EVC2: variants seen among roughly 807,000 people sequenced by gnomAD.
The protein encoded by EVC2 is EvC ciliary complex subunit 2.
A neutral mutation model predicts 149.3 loss-of-function variants in EVC2; 148 were observed. The ratio of observed to expected loss-of-function variants is 0.99; its 90% CI spans 0.87 to 1.14. The LOEUF (loss-of-function observed/expected upper bound fraction) is 1.14, where lower values mean the gene tolerates loss of function less well. Ranked by LOEUF, EVC2 falls within the 50% of genes most tolerant of loss-of-function variation. EVC2 has a pLI of 0.00. For missense variants in EVC2, 1,854 were observed against 1,627.3 expected (o/e 1.14, Z -2.40); for synonymous variants, 776 against 649.9 (o/e 1.19, Z -2.95).
intron 3 of EVC2, among the ~76,000 whole-genome samples, chr4:5,693,516 G>T (rs1577262709): frequency 6.6e-6 from 1 of 152,234 alleles, no homozygotes; most frequent in Non-Finnish European, 1.5e-5. Flanking sequence ...CCAGAAGCTG[G>T]AAGAGGGAGG....
intron 9 of EVC2, among the ~76,000 whole-genome samples, chr4:5,650,620 TATATATATATATATATATAGAG>T (rs1042857161): frequency 1.8e-4 from 15 of 81,382 alleles, no homozygotes; most frequent in African/African-American, 5.8e-4. Context: ...TATATATATA[TATATATATATATATATATAGAG>T]AGAGAGAGAG....
At chr4:5,709,342 G>C (rs1021157932), upstream of EVC2, 1 of 152,274 alleles carries the variant, frequency 6.6e-6, no homozygotes, top group East Asian at 1.9e-4. Flanking sequence ...CTAGGTCCTG[G>C]GTGACAGCTG....
At chr4:5,538,594 A>C (rs1721461188), downstream of EVC2, among the ~76,000 whole-genome samples, 1 of 152,204 alleles carries the variant, frequency 6.6e-6, no homozygotes, top group Admixed American at 6.5e-5. Context: ...ATAGAAACTA[A>C]CAATAGATTG....
chr4:5,682,590 G>T (rs1720425237), intron 6 of EVC2, among the ~76,000 whole-genome samples: 1 of 151,664 alleles, frequency 6.6e-6, no homozygotes, highest in South Asian at 2.1e-4. Context: ...TGGGCGCTGT[G>T]GCTCACACTT....
At chr4:5,542,819 C>T (rs888208252) in exon 23 of EVC2, 3 of 241,350 alleles carry the variant, frequency 1.2e-5, no homozygotes, top group Non-Finnish European at 2.5e-5. Flanking sequence ...GTCATGAGGG[C>T]CATGACATTG....
chr4:5,568,697 AT>A, intron 19 of EVC2, 57 bp from the exon 20 acceptor site: 1 of 1,527,928 alleles, frequency 6.5e-7, no homozygotes. Context: ...TTGAACCATC[AT>A]TTTTAATTTA....
intron 16 of EVC2, among the ~76,000 whole-genome samples, chr4:5,588,332 A>T (rs1280186637): frequency 1.3e-5 from 2 of 152,134 alleles, no homozygotes; most frequent in Non-Finnish European, 2.9e-5. Flanking sequence ...CTCTTTATCA[A>T]TGGTTTGGAG....
At chr4:5,642,006 T>C (rs531482290) in intron 9 of EVC2, among the ~76,000 whole-genome samples, 74 of 152,332 alleles carry the variant, frequency 4.9e-4, no homozygotes, top group African/African-American at 1.7e-3. Context: ...GTTCTCATTG[T>C]TCAACTCCCA....
intron 16 of EVC2, among the ~76,000 whole-genome samples, chr4:5,595,547 C>T (rs2108802733): frequency 6.6e-6 from 1 of 152,230 alleles, no homozygotes; most frequent in Non-Finnish European, 1.5e-5. Flanking sequence ...CAGGCCTGCC[C>T]TAAAAGAGCT....
Position 5,565,311 on chromosome 4 carries a change from A to G in EVC2, c.3606T>C (p.Asp1202=), listed in dbSNP as rs1336311329. The G allele has an allele frequency of 6.2e-7, 1 of 1,613,992 alleles. No homozygotes were observed. The highest frequency in any genetic ancestry group is 1.1e-5 in the South Asian group (1 of 91,060). ...WQALDGKLRG[D]LISRGLEKML... Reference sequence around the variant, plus strand: ...TCTTTTCTAATCCTCTGCTTATCAGATCTCCTCGCAGTTTGCCATCTAAGG... The same window carrying G: ...TCTTTTCTAATCCTCTGCTTATCAGGTCTCCTCGCAGTTTGCCATCTAAGG... The change falls in exon 21 of 22, where the codon GAT becomes GAC. Residue 1202 remains aspartate (D), a synonymous_variant. Coordinates refer to ENST00000344408, the MANE Select transcript of EVC2 (RefSeq NM_147127.5).
At chr4:5,593,401 T>C (rs1013913192) in intron 16 of EVC2, among the ~76,000 whole-genome samples, 2 of 152,212 alleles carry the variant, frequency 1.3e-5, no homozygotes, top group African/African-American at 2.4e-5. Flanking sequence ...CTCAGTTTCT[T>C]TGTCTTATGC....
At chr4:5,619,789 C>A (rs930131066) in intron 14 of EVC2, among the ~76,000 whole-genome samples, 3 of 152,172 alleles carry the variant, frequency 2.0e-5, no homozygotes, top group Admixed American at 6.5e-5. Flanking sequence ...CTCAAGGGGG[C>A]TGGTTCTGGC....
At chr4:5,612,108 CAGAAA>C (rs1714871961) in intron 16 of EVC2, among the ~76,000 whole-genome samples, 1 of 152,154 alleles carries the variant, frequency 6.6e-6, no homozygotes, top group Admixed American at 6.5e-5. Context: ...ACAAGCCATA[CAGAAA>C]AGAAAACAAA....
chr4:5,537,613 C>T, the EVC2 span, among the ~76,000 whole-genome samples: 10 of 152,130 alleles, frequency 6.6e-5, no homozygotes, highest in African/African-American at 2.2e-4. Context: ...CAAAGCCCAA[C>T]AATAGTTACA....
At chr4:5,549,472 G>C (rs573913021) in intron 21 of EVC2, among the ~76,000 whole-genome samples, 14 of 152,302 alleles carry the variant, frequency 9.2e-5, no homozygotes, top group African/African-American at 3.1e-4. Context: ...CTGCCACACA[G>C]ATTTTCTTCA....
chr4:5,660,175 C>T (rs149571786), intron 9 of EVC2, among the ~76,000 whole-genome samples: 7 of 152,276 alleles, frequency 4.6e-5, no homozygotes, highest in South Asian at 2.1e-4. Flanking sequence ...GATGGCTGCA[C>T]AAGGCTTAAT....
rs140448775 is a variant in EVC2, at chr4:5,578,256, G to A, written c.3058-1802C>T. On this transcript the variant is annotated intron_variant, in intron 17 of 21. Coordinates refer to ENST00000344408, the MANE Select transcript of EVC2 (RefSeq NM_147127.5). ...CTCCTTTCTCCCAGCAGTCAGCACAGTGCATAGCTCATCAAAGAAGAAACA... is the reference window on the plus strand; with the variant it reads ...CTCCTTTCTCCCAGCAGTCAGCACAATGCATAGCTCATCAAAGAAGAAACA... Among the ~76,000 whole-genome samples, 525 of 152,222 alleles carry A rather than the reference G, an allele frequency of 3.4e-3. 3 individuals carry two copies. The highest frequency in any genetic ancestry group is 0.012 in the African/African-American group (507 of 41,538).
At chr4:5,663,928 TAAAG>T (rs575215551) in intron 8 of EVC2, among the ~76,000 whole-genome samples, 80 of 151,824 alleles carry the variant, frequency 5.3e-4, no homozygotes, top group African/African-American at 1.8e-3. Context: ...CTCAAAAAAA[TAAAG>T]AAAGAAAGAA....
intron 11 of EVC2, among the ~76,000 whole-genome samples, chr4:5,629,445 C>G (rs1716367840): frequency 6.6e-6 from 1 of 152,142 alleles, no homozygotes; most frequent in Non-Finnish European, 1.5e-5. Context: ...ATCATAATAG[C>G]CTGCTTCCAA....
Sources: gnomAD v4.1 joint callset for allele counts (sites outside exome capture counted in the v4.1 genomes callset) on GRCh38, gnomAD v4.1.1 for gene constraint, MANE v1.5 for transcripts, NCBI Gene and HGNC (gene_info 2026-07-23, HGNC 2026-07-21) for gene names.